Variants in NKTR observed in about 807,000 individuals in gnomAD.
NKTR encodes natural killer cell triggering receptor.
A neutral mutation model predicts 156.3 loss-of-function variants in NKTR; 67 were observed. The observed-to-expected ratio is 0.43, with a 90% confidence interval of 0.35 to 0.53. The LOEUF (loss-of-function observed/expected upper bound fraction) is 0.53, where lower values mean the gene tolerates loss of function less well. NKTR is among the 20% of genes least tolerant of loss of function. The pLI, the probability that NKTR is intolerant of heterozygous loss-of-function variation, is 0.01. For synonymous variants in NKTR, 640 were observed against 596.6 expected (o/e 1.07, Z -1.06); for missense variants, 1,604 against 1,730.9 (o/e 0.93, Z 1.30).
Position 42,638,463 on chromosome 3 carries a change from C to G in NKTR, c.2759C>G (p.Ser920Ter). 1 of 1,611,518 alleles carries G rather than the reference C, an allele frequency of 6.2e-7. No homozygotes were observed. The highest frequency in any genetic ancestry group is 8.5e-7 in the Non-Finnish European group (1 of 1,179,166). Residue 920 changes from serine to a stop codon, truncating the protein, a stop_gained, in exon 13 of 17, where the codon TCA becomes TGA. Coordinates refer to ENST00000232978, the MANE Select transcript of NKTR (RefSeq NM_005385.4). LOFTEE classifies it high-confidence loss of function. ...EEGEATSDSE[S>*]EVSEIHIKVK... Reference sequence around the variant, plus strand: ...GGTGAGGCCACATCCGATTCTGAATCAGAGGTTAGTGAAATTCACATCAAA... The same window carrying G: ...GGTGAGGCCACATCCGATTCTGAATGAGAGGTTAGTGAAATTCACATCAAA...
Position 42,638,927 on chromosome 3 carries a change from G to A in NKTR, c.3223G>A (p.Val1075Ile). Residue 1075 changes from valine (V) to isoleucine (I), a missense_variant, in exon 13 of 17, where the codon GTT becomes ATT. Val to Ile is a conservative substitution (Grantham distance 29, BLOSUM62 3). Transcript: ENST00000232978. ...TTCAGGTAAACATGATACAGTGACT[G>A]TTTCATCAGATCTTGATCAGTTTAC... ...DLSGKHDTVTVSSDLDQFTKD... is the reference protein window; with the variant it reads ...DLSGKHDTVTISSDLDQFTKD... 1.2e-6 allele frequency: 2 copies of A among 1,612,972 alleles called. No homozygotes were observed. Among genetic ancestry groups the A allele is most frequent in the South Asian group, 1.1e-5 (1 of 90,996 alleles).
intron 2 of NKTR, among the ~76,000 whole-genome samples, chr3:42,606,249 C>G (rs1237737387): frequency 6.6e-6 from 1 of 152,034 alleles, no homozygotes; most frequent in African/African-American, 2.4e-5. Flanking sequence ...CTCCCTTGTC[C>G]CCCCCAGTTC....
intron 2 of NKTR, among the ~76,000 whole-genome samples, chr3:42,612,108 A>G (rs943105016): frequency 1.3e-5 from 2 of 152,268 alleles, no homozygotes; most frequent in Admixed American, 6.5e-5. Flanking sequence ...CTCTTAAAAA[A>G]TAAAATACAT....
At position 42,629,006 on chromosome 3, in the gene NKTR, TAAAC is replaced by T. The variant is rs1189550273; in HGVS notation, c.375-1532_375-1529del. The T allele has an allele frequency of 6.0e-5, 45 of 751,294 alleles. 1 individual carries two copies. In the South Asian group the frequency reaches 8.5e-4, roughly 14 times the overall value. 46.5% of individuals were successfully genotyped at this position (751,294 alleles called of 1,614,324 possible). On this transcript the variant is annotated intron_variant, in intron 6 of 16. Transcript: ENST00000232978. ...AACAGAGTGAGACTCCATCTCAAAA[TAAAC>T]AAACAAATAAAAATAAAAGCACTCT...
chr3:42,627,146 G>A (rs1708467846), intron 6 of NKTR: 1 of 878,994 alleles, frequency 1.1e-6, no homozygotes. Flanking sequence ...ATTCAGTCTT[G>A]TCTTAAAAGT....
chr3:42,609,764 C>G (rs540258797), intron 2 of NKTR, among the ~76,000 whole-genome samples: 4 of 152,248 alleles, frequency 2.6e-5, no homozygotes, highest in Non-Finnish European at 5.9e-5. Flanking sequence ...ATCCTATACT[C>G]TTATGGTTAT....
intron 2 of NKTR, among the ~76,000 whole-genome samples, chr3:42,609,261 A>G (rs1706540783): frequency 6.6e-6 from 1 of 152,238 alleles, no homozygotes; most frequent in Admixed American, 6.5e-5. Context: ...AACTGGGGAC[A>G]GAGGTCAAAT....
At chr3:42,604,005 A>G (rs1705907775) in intron 2 of NKTR, among the ~76,000 whole-genome samples, 1 of 152,150 alleles carries the variant, frequency 6.6e-6, no homozygotes. Flanking sequence ...CGAAAGTGCT[A>G]GAATTACAGG....
At chr3:42,600,869 C>T (rs1296080416) in intron 1 of NKTR, 91 bp downstream of exon 1, 2 of 604,566 alleles carry the variant, frequency 3.3e-6, no homozygotes, top group East Asian at 7.1e-5. Flanking sequence ...TGCGCTGTCG[C>T]GACGGGCCGG....
At chr3:42,616,638 C>A (rs1707393208) in intron 2 of NKTR, among the ~76,000 whole-genome samples, 2 of 152,182 alleles carry the variant, frequency 1.3e-5, no homozygotes, top group South Asian at 4.1e-4. Context: ...AGTTTGAGAA[C>A]CATTTTTCTC....
chr3:42,627,888 C>T (rs1475614564), intron 6 of NKTR: 1 of 985,136 alleles, frequency 1.0e-6, no homozygotes, highest in Non-Finnish European at 1.2e-6. Context: ...TGCAATTTTT[C>T]TTTTAATTGA....
intron 9 of NKTR, 128 bp from the exon 10 acceptor site, chr3:42,633,452 A>G: frequency 3.5e-6 from 5 of 1,432,316 alleles, no homozygotes; most frequent in South Asian, 3.1e-5. Context: ...TGAAAATCAT[A>G]TAACTCTTTT....
At chr3:42,639,777 C>T (rs1709721428) in intron 13 of NKTR, 27 bp downstream of exon 13, 1 of 1,471,012 alleles carries the variant, frequency 6.8e-7, no homozygotes, top group Non-Finnish European at 9.4e-7. Context: ...TTCCTTTCTT[C>T]TCCCAAGGAG....
chr3:42,638,814 A>G lies in NKTR; in HGVS notation c.3110A>G (p.Gln1037Arg), dbSNP rs377422972. 1.9e-6 allele frequency: 3 copies of G among 1,604,158 alleles called. No homozygotes were observed. Among genetic ancestry groups the G allele is most frequent in the Non-Finnish European group, 2.5e-6 (3 of 1,177,546 alleles). The change falls in exon 13 of 17, where the codon CAG becomes CGG. Residue 1037 changes from glutamine (Q) to arginine (R), a missense_variant. By Grantham distance (43) the Gln-to-Arg change is conservative. Around this residue, in one of 6 missense-constraint regions of NKTR, gnomAD observed 1,255 missense variants for 1,243.7 expected, o/e 1.01. Coordinates refer to ENST00000232978, the MANE Select transcript of NKTR (RefSeq NM_005385.4). ...GAGATTGATGACAAGCAAGTTACTCAGGAATCAAAAGAGAAAAAAGTTTCT... is the reference window on the plus strand; with the variant it reads ...GAGATTGATGACAAGCAAGTTACTCGGGAATCAAAAGAGAAAAAAGTTTCT... Reference protein sequence around the residue: ...EEEIDDKQVTQESKEKKVSEN... With the variant: ...EEEIDDKQVTRESKEKKVSEN...
intron 2 of NKTR, among the ~76,000 whole-genome samples, chr3:42,603,671 C>G (rs990644721): frequency 6.6e-6 from 1 of 150,468 alleles, no homozygotes; most frequent in African/African-American, 2.4e-5. Flanking sequence ...TCATATGGTT[C>G]AGTCTTGTGA....
intron 2 of NKTR, 82 bp downstream of exon 2, chr3:42,601,146 C>T (rs1490143653): frequency 6.5e-6 from 8 of 1,227,500 alleles, no homozygotes; most frequent in Non-Finnish European, 8.8e-6. Context: ...CAACCCTCCC[C>T]CGGCCTTTTT....
At chr3:42,632,051 T>C (rs1310048023) in intron 8 of NKTR, among the ~76,000 whole-genome samples, 3 of 150,564 alleles carry the variant, frequency 2.0e-5, no homozygotes, top group Non-Finnish European at 4.4e-5. Context: ...ATTTGTCATA[T>C]TATGCAATTC....
intron 2 of NKTR, among the ~76,000 whole-genome samples, chr3:42,613,233 A>G (rs1707013295): frequency 6.6e-6 from 1 of 152,076 alleles, no homozygotes; most frequent in Non-Finnish European, 1.5e-5. Flanking sequence ...CCAAGATGTG[A>G]GCTTCTTGAA....
intron 2 of NKTR, chr3:42,601,298 A>G (rs558863308): frequency 2.8e-4 from 106 of 381,816 alleles, no homozygotes; most frequent in Non-Finnish European, 4.5e-4. Context: ...GCATCTCCGG[A>G]CTGAGTCCTC....
Sources: gnomAD v4.1 joint callset for allele counts (sites outside exome capture counted in the v4.1 genomes callset) on GRCh38, gnomAD v4.1.1 for gene constraint, gnomAD v4.1.1 regional missense constraint, MANE v1.5 for transcripts, NCBI Gene and HGNC (gene_info 2026-07-23, HGNC 2026-07-21) for gene names.